TAF4B: variants seen among roughly 807,000 people sequenced by gnomAD.
The protein encoded by TAF4B is transcription initiation factor TFIID subunit 4B.
In TAF4B, 38 loss-of-function variants were observed where a neutral mutation model predicts 86.4. That is an observed-to-expected ratio of 0.44 (90% CI 0.34 to 0.58). The LOEUF is 0.58. Ranked by LOEUF, TAF4B falls within the 20% of genes least tolerant of loss-of-function variation. The pLI is 0.02. For missense variants in TAF4B, 988 were observed against 1,027.6 expected, an observed-to-expected ratio of 0.96 and a Z score of 0.53; for synonymous variants, 388 against 391.2, an observed-to-expected ratio of 0.99 and a Z score of 0.10.
chr18:26,384,509 T>TA (rs754013354), intron 14 of TAF4B, among the ~76,000 whole-genome samples: 16 of 152,232 alleles, frequency 1.1e-4, no homozygotes, highest in Non-Finnish European at 1.3e-4. Context: ...AAGGCTCCCT[T>TA]AAAATTCAGA....
chr18:26,384,363 A>G (rs923709780), intron 14 of TAF4B, among the ~76,000 whole-genome samples: 1 of 152,206 alleles, frequency 6.6e-6, no homozygotes, highest in African/African-American at 2.4e-5. Context: ...TCTAGAGACA[A>G]TATTGAAAAG....
rs1402160265 is a variant in TAF4B, at chr18:26,391,209, C to G, written c.*1197C>G. On this transcript the variant is annotated 3_prime_UTR_variant, in exon 15 of 15. Coordinates refer to ENST00000269142, the MANE Select transcript of TAF4B (RefSeq NM_005640.3). ...GAAGCTGACGGACAAAGCAAACCCT[C>G]TTTAAAAAAAAAAAAAAGAAAATTC... is the stretch of plus-strand genomic sequence containing the variant. The G allele has an allele frequency of 6.8e-6, 1 of 147,808 alleles. No individual in the cohort carries two copies. The highest frequency in any genetic ancestry group is 2.5e-5 in the African/African-American group (1 of 40,008). 9.2% of individuals were successfully genotyped at this position (147,808 alleles called of 1,614,324 possible).
intron 1 of TAF4B, among the ~76,000 whole-genome samples, chr18:26,239,869 G>A (rs2055810261): frequency 6.6e-6 from 1 of 152,096 alleles, no homozygotes; most frequent in Admixed American, 6.6e-5. Context: ...TCTTGTTTTT[G>A]TCAGGTTTGT....
At chr18:26,287,728 GCTT>G (rs2056542104) in intron 7 of TAF4B, among the ~76,000 whole-genome samples, 1 of 152,110 alleles carries the variant, frequency 6.6e-6, no homozygotes. Flanking sequence ...GGTTCATTCT[GCTT>G]CTTGGGTAGC....
intron 6 of TAF4B, 104 bp downstream of exon 6, chr18:26,282,164 T>C: frequency 1.0e-6 from 1 of 955,212 alleles, no homozygotes; most frequent in Admixed American, 2.2e-5. Flanking sequence ...GTGAAGATAC[T>C]GACAGTGTGG....
chr18:26,359,680 G>A (rs773221083), intron 14 of TAF4B, among the ~76,000 whole-genome samples: 4 of 151,990 alleles, frequency 2.6e-5, no homozygotes, highest in Non-Finnish European at 4.4e-5. Flanking sequence ...ATATAGCACC[G>A]CCCTGCTCCA....
At chr18:26,256,989 T>C (rs1390167618) in intron 1 of TAF4B, among the ~76,000 whole-genome samples, 1 of 152,160 alleles carries the variant, frequency 6.6e-6, no homozygotes. Flanking sequence ...TTTTTGAAAG[T>C]TTATTGAGGT....
intron 12 of TAF4B, among the ~76,000 whole-genome samples, chr18:26,332,964 C>A (rs1167681012): frequency 1.3e-5 from 2 of 151,866 alleles, no homozygotes; most frequent in African/African-American, 2.4e-5. Context: ...GTTCTTTCCT[C>A]GAGTATATTC....
chr18:26,357,636 C>A, intron 13 of TAF4B, 54 bp from the exon 14 acceptor site: 1 of 1,248,280 alleles, frequency 8.0e-7, no homozygotes, highest in Non-Finnish European at 1.1e-6. Context: ...GTTTCTTTTT[C>A]CCTCTGAGCA....
At chr18:26,231,342 GGGGTTTT>G (rs1368461781) in intron 1 of TAF4B, among the ~76,000 whole-genome samples, 7 of 30,926 alleles carry the variant, frequency 2.3e-4, no homozygotes, top group African/African-American at 6.4e-4. Context: ...CCAGCTGCTT[GGGGTTTT>G]TTTTTTTTTT....
At chr18:26,389,664 T>C (rs1214952998) in intron 14 of TAF4B, among the ~76,000 whole-genome samples, 181 bp from the exon 15 acceptor site, 1 of 152,200 alleles carries the variant, frequency 6.6e-6, no homozygotes, top group African/African-American at 2.4e-5. Flanking sequence ...GGTCAGGTGA[T>C]AGGTTTAATG....
chr18:26,348,543 T>TA (rs1448042966), intron 13 of TAF4B: 2 of 154,746 alleles, frequency 1.3e-5, no homozygotes, highest in African/African-American at 5.0e-5. Flanking sequence ...AGAGAAACCT[T>TA]ACAAATGTAG....
chr18:26,246,587 G>A lies in TAF4B; in HGVS notation c.344-18583G>A, dbSNP rs149460544. Among the ~76,000 whole-genome samples the A allele has an allele frequency of 8.3e-3, 1,256 of 151,808 alleles. 19 individuals are homozygous for A. The highest frequency in any genetic ancestry group is 0.027 in the African/African-American group (1,119 of 41,392). ...CTCACTCTGTCGCCCACGCTGGAGT[G>A]CAGTGGCGCGATCTCAGCTCACTGC... On this transcript the variant is annotated intron_variant, in intron 1 of 14. Transcript: ENST00000269142.
At chr18:26,322,784 T>A (rs554777642) in intron 11 of TAF4B, among the ~76,000 whole-genome samples, 2 of 152,096 alleles carry the variant, frequency 1.3e-5, no homozygotes, top group Non-Finnish European at 2.9e-5. Context: ...AGCTTCAGGC[T>A]TAGTTTGCTC....
chr18:26,229,927 A>G (rs1209453636), intron 1 of TAF4B, among the ~76,000 whole-genome samples: 2 of 151,272 alleles, frequency 1.3e-5, no homozygotes, highest in East Asian at 3.9e-4. Context: ...TCTTTACTTC[A>G]GAGTTTCATC....
intron 13 of TAF4B, among the ~76,000 whole-genome samples, chr18:26,338,771 C>T (rs1260643493): frequency 6.6e-6 from 1 of 152,126 alleles, no homozygotes; most frequent in African/African-American, 2.4e-5. Context: ...AGCCACTACG[C>T]CTGGATCATT....
chr18:26,335,545 G>A (rs2057083925), intron 13 of TAF4B, among the ~76,000 whole-genome samples: 1 of 152,186 alleles, frequency 6.6e-6, no homozygotes, highest in African/African-American at 2.4e-5. Context: ...ATCTGGGACT[G>A]TACAATAGGC....
intron 13 of TAF4B, among the ~76,000 whole-genome samples, chr18:26,354,846 A>G (rs191037654): frequency 8.4e-4 from 128 of 152,254 alleles, no homozygotes; most frequent in African/African-American, 2.8e-3. Context: ...GATTCTTCCA[A>G]TTTTGTCCTT....
intron 5 of TAF4B, among the ~76,000 whole-genome samples, chr18:26,275,362 G>T (rs1259637532): frequency 6.6e-6 from 1 of 152,074 alleles, no homozygotes; most frequent in Non-Finnish European, 1.5e-5. Context: ...TGCCATGTTG[G>T]CTGGGCTGGT....
Sources: gnomAD v4.1 joint callset for allele counts (sites outside exome capture counted in the v4.1 genomes callset) on GRCh38, gnomAD v4.1.1 for gene constraint, MANE v1.5 for transcripts, NCBI Gene and HGNC (gene_info 2026-07-23, HGNC 2026-07-21) for gene names.